The following RAB31 variants were observed in gnomAD, a reference collection of about 807,000 sequenced individuals.
RAB31 encodes the protein ras-related protein Rab-31.
In RAB31, 21 loss-of-function variants were observed where a neutral mutation model predicts 25.6. That is an observed-to-expected ratio of 0.82 (90% CI 0.58 to 1.18). The LOEUF is 1.18. Ranked by LOEUF, RAB31 falls within the 50% of genes most tolerant of loss-of-function variation. The pLI, the probability that RAB31 is intolerant of heterozygous loss-of-function variation, is 0.00. For missense variants in RAB31, 196 were observed against 250.1 expected, an observed-to-expected ratio of 0.78 and a Z score of 1.46; for synonymous variants, 87 against 84.0, an observed-to-expected ratio of 1.04 and a Z score of -0.20.
At chr18:9,840,420 A>G (rs2068727498) in intron 5 of RAB31, among the ~76,000 whole-genome samples, 1 of 152,150 alleles carries the variant, frequency 6.6e-6, no homozygotes, top group Non-Finnish European at 1.5e-5. Context: ...GTACCCTCCC[A>G]TAATCGTAAT....
At chr18:9,842,643 C>T (rs951742571) in intron 5 of RAB31, among the ~76,000 whole-genome samples, 1 of 152,186 alleles carries the variant, frequency 6.6e-6, no homozygotes, top group African/African-American at 2.4e-5. Flanking sequence ...TAGGCTCCTG[C>T]CCCGCCCCAC....
intron 1 of RAB31, among the ~76,000 whole-genome samples, chr18:9,709,942 A>C (rs2145449891): frequency 6.6e-6 from 1 of 152,360 alleles, no homozygotes; most frequent in South Asian, 2.1e-4. Flanking sequence ...GTTCCAAGGA[A>C]TGAAGAGGCA....
At chr18:9,797,633 AT>A (rs1323968359) in intron 3 of RAB31, 1 of 152,202 alleles carries the variant, frequency 6.6e-6, no homozygotes, top group African/African-American at 2.4e-5. Context: ...TGATTGAAAA[AT>A]CACACAAAAA....
At chr18:9,807,926 C>T (rs1033233343) in intron 3 of RAB31, among the ~76,000 whole-genome samples, 5 of 152,156 alleles carry the variant, frequency 3.3e-5, no homozygotes, top group South Asian at 2.1e-4. Flanking sequence ...TGCAGTGAGC[C>T]GTGGTGGCAC....
At chr18:9,835,287 A>AACGGCAGCTGGTAT (rs2068698324) in intron 5 of RAB31, among the ~76,000 whole-genome samples, 1 of 152,120 alleles carries the variant, frequency 6.6e-6, no homozygotes, top group Non-Finnish European at 1.5e-5. Context: ...CCCGAGAGAA[A>AACGGCAGCTGGTAT]ACGGCAGCTG....
At chr18:9,779,725 C>G (rs996470348) in intron 2 of RAB31, among the ~76,000 whole-genome samples, 1 of 152,172 alleles carries the variant, frequency 6.6e-6, no homozygotes, top group African/African-American at 2.4e-5. Flanking sequence ...CTTACCTCAC[C>G]CCTCCTTTGG....
At chr18:9,777,763 T>C (rs1417642448) in intron 2 of RAB31, among the ~76,000 whole-genome samples, 3 of 149,880 alleles carry the variant, frequency 2.0e-5, no homozygotes, top group African/African-American at 7.4e-5. Flanking sequence ...CCTTTTTTTT[T>C]TTTTTTTTTG....
At chr18:9,839,299 G>C (rs574148255) in intron 5 of RAB31, among the ~76,000 whole-genome samples, 1 of 152,312 alleles carries the variant, frequency 6.6e-6, no homozygotes, top group South Asian at 2.1e-4. Context: ...AAATGGCTGT[G>C]GCTTCGGGGG....
chr18:9,708,480 C>T lies in RAB31; in HGVS notation c.39+36C>T. On this transcript the variant is annotated intron_variant, in intron 1 of 6. Coordinates refer to ENST00000578921, the MANE Select transcript of RAB31 (RefSeq NM_006868.4). This position sits in a 1 kb window ranked among gnomAD's most constrained non-coding sequence, Gnocchi z 6.4. Reference sequence around the variant, plus strand: ...GCCGCCACCCGCCGGCGGACCCCGGCCCGCGCTCTCGCGCCCCTTCGCTCC... The same window carrying T: ...GCCGCCACCCGCCGGCGGACCCCGGTCCGCGCTCTCGCGCCCCTTCGCTCC... 1 of 1,535,048 alleles carries T rather than the reference C, an allele frequency of 6.5e-7. No homozygotes were observed. The highest frequency in any genetic ancestry group is 2.0e-5 in the Admixed American group (1 of 49,904).
chr18:9,727,616 T>C (rs1035608057), intron 1 of RAB31, among the ~76,000 whole-genome samples: 7 of 152,252 alleles, frequency 4.6e-5, no homozygotes, highest in Non-Finnish European at 8.8e-5. Context: ...GTGTCCGGCC[T>C]GAGAAGCATG....
chr18:9,807,449 G>A (rs766422213), intron 3 of RAB31, among the ~76,000 whole-genome samples: 3 of 152,172 alleles, frequency 2.0e-5, no homozygotes, highest in Non-Finnish European at 4.4e-5. Context: ...CACGGTGGCT[G>A]TGTATGATGC....
At chr18:9,780,983 T>C (rs1638849276) in intron 2 of RAB31, among the ~76,000 whole-genome samples, 1 of 152,042 alleles carries the variant, frequency 6.6e-6, no homozygotes, top group African/African-American at 2.4e-5. Context: ...TAAATAATGT[T>C]ATGATGTACC....
intron 1 of RAB31, among the ~76,000 whole-genome samples, chr18:9,770,023 G>A (rs765493594): frequency 4.6e-5 from 7 of 152,144 alleles, no homozygotes; most frequent in Admixed American, 1.3e-4. Context: ...CCAGCCTTGC[G>A]TCCCGGGGAT....
chr18:9,714,394 T>A (rs2068033689), intron 1 of RAB31, among the ~76,000 whole-genome samples: 1 of 152,194 alleles, frequency 6.6e-6, no homozygotes, highest in Non-Finnish European at 1.5e-5. Context: ...CCTGTGAGAA[T>A]CTAATGTCAC....
At chr18:9,722,297 G>A (rs1270412638) in intron 1 of RAB31, among the ~76,000 whole-genome samples, 1 of 152,200 alleles carries the variant, frequency 6.6e-6, no homozygotes, top group Non-Finnish European at 1.5e-5. Context: ...GGATGCAGAA[G>A]GAACATGGGA....
At chr18:9,853,528 A>G (rs499026) in intron 6 of RAB31, among the ~76,000 whole-genome samples, 151,929 of 152,316 alleles carry the variant, frequency 1, 75,772 homozygotes, top group Middle Eastern at 1. Context: ...GTGGGCTGTC[A>G]GGGAAGGGAT....
intron 1 of RAB31, among the ~76,000 whole-genome samples, chr18:9,724,270 C>CAAAAAAA (rs762384582): frequency 2.8e-5 from 1 of 35,742 alleles, no homozygotes. Flanking sequence ...GACTCCGTCT[C>CAAAAAAA]AAAAAAAAAA....
At chr18:9,843,744 C>A (rs1189227203) in intron 5 of RAB31, among the ~76,000 whole-genome samples, 1 of 152,250 alleles carries the variant, frequency 6.6e-6, no homozygotes, top group East Asian at 1.9e-4. Flanking sequence ...CTTTTCCCTG[C>A]AGTTTGGAAG....
chr18:9,744,361 C>T (rs774377067), intron 1 of RAB31, among the ~76,000 whole-genome samples: 1 of 152,068 alleles, frequency 6.6e-6, no homozygotes. Flanking sequence ...AAGCAAAGTT[C>T]GTATTTGTAA....
Sources: gnomAD v4.1 joint callset for allele counts (sites outside exome capture counted in the v4.1 genomes callset) on GRCh38, gnomAD v4.1.1 for gene constraint, Gnocchi (gnomAD v3.1) non-coding constraint, MANE v1.5 for transcripts, NCBI Gene and HGNC (gene_info 2026-07-23, HGNC 2026-07-21) for gene names.